The following LRRK2 variants were observed in gnomAD, a reference collection of about 807,000 sequenced individuals.
LRRK2 encodes leucine rich repeat kinase 2, also known as leucine-rich repeat serine/threonine-protein kinase 2.
Under a neutral mutation model 302.6 loss-of-function variants are expected in LRRK2, and 203 were observed. The ratio of observed to expected loss-of-function variants is 0.67; its 90% CI spans 0.60 to 0.75. LRRK2 has a LOEUF of 0.75. LRRK2 is among the 30% of genes least tolerant of loss of function. LRRK2 has a pLI of 0.00. For missense variants in LRRK2, 2,830 were observed against 2,951.0 expected (o/e 0.96, Z 0.95); for synonymous variants, 1,066 against 1,031.9 (o/e 1.03, Z -0.63).
intron 38 of LRRK2, among the ~76,000 whole-genome samples, chr12:40,325,949 T>G (rs1945534439): frequency 6.6e-6 from 1 of 152,240 alleles, no homozygotes; most frequent in Non-Finnish European, 1.5e-5. Context: ...TGTGGAGCTA[T>G]TTATTTTTCT....
rs779417337 is a variant in LRRK2 at position 40,257,306 on chromosome 12, G to A, written c.1347G>A (p.Met449Ile). Residue 449 changes from methionine (M) to isoleucine (I), a missense_variant, in exon 12 of 51, where the codon ATG (methionine) becomes ATA (isoleucine). Met to Ile is a conservative substitution (Grantham distance 10). Around this residue, in one of 3 missense-constraint regions of LRRK2, gnomAD observed 2,121 missense variants for 2,148.0 expected, o/e 0.99. Transcript: ENST00000298910. ...KGIHLNVLEL[M>I]QKHIHSPEVA... Reference sequence around the variant, plus strand: ...TACACCTGAATGTTTTGGAGTTAATGCAGAAGCATATACATTCTCCTGAAG... The same window carrying A: ...TACACCTGAATGTTTTGGAGTTAATACAGAAGCATATACATTCTCCTGAAG... The A allele has an allele frequency of 6.2e-7, 1 of 1,606,510 alleles. No homozygotes were observed. Among genetic ancestry groups the A allele is most frequent in the Non-Finnish European group, 8.5e-7 (1 of 1,173,394 alleles).
Position 40,367,722 on chromosome 12 carries a change from G to A in LRRK2, c.7541G>A (p.Arg2514Lys). The change falls in exon 51 of 51, where the codon AGA (arginine) becomes AAA (lysine). Residue 2514 changes from arginine (R) to lysine (K), a missense_variant. Around this residue, in one of 3 missense-constraint regions of LRRK2, gnomAD observed 456 missense variants for 456.3 expected, o/e 1.00. Transcript: ENST00000298910. ...VQNLEKHIEV[R>K]KELAEKMRRT... ...AATTTAGAAAAACACATTGAAGTGA[G>A]AAAAGAATTAGCTGAAAAAATGAGA... 1.2e-6 allele frequency: 2 copies of A among 1,604,566 alleles called. No individual in the cohort carries two copies. Among genetic ancestry groups the A allele is most frequent in the Non-Finnish European group, 1.7e-6 (2 of 1,174,444 alleles).
At position 40,225,382 on chromosome 12, in the gene LRRK2, C is replaced by A. The variant is rs80220210; in HGVS notation, c.151+100C>A. ...CTCCTCCCCTTGACCCTGCTCAAAC[C>A]CGGACTCTTAAGGAGCCGCAAACTC... On this transcript the variant is annotated intron_variant, in intron 1 of 50. Transcript: ENST00000298910. 1.8e-3 allele frequency: 2,650 copies of A among 1,457,032 alleles called. 41 individuals carry two copies. The East Asian group carries it at 0.04, about 22-fold the overall frequency. 90.3% of individuals were successfully genotyped at this position (1,457,032 alleles called of 1,614,324 possible). A position where few individuals can be genotyped will look rare whatever the true frequency, so the allele number is the denominator to read the frequency against.
chr12:40,301,671 A>G (rs757310221), intron 25 of LRRK2, among the ~76,000 whole-genome samples: 1 of 152,126 alleles, frequency 6.6e-6, no homozygotes, highest in Non-Finnish European at 1.5e-5. Context: ...AATAACCCAT[A>G]TTTTTAACCT....
At position 40,314,061 on chromosome 12, in the gene LRRK2, A is replaced by C. The variant is rs781385684; in HGVS notation, c.4626A>C (p.Pro1542=). ...KIILSERKNV[P]IEFPVIDRKR... ...TTTTATCGGAGCGTAAAAATGTGCCAATTGAATTTCCCGTAATTGACCGGA... is the reference window on the plus strand; with the variant it reads ...TTTTATCGGAGCGTAAAAATGTGCCCATTGAATTTCCCGTAATTGACCGGA... Residue 1542 remains proline (P), a synonymous_variant, in exon 32 of 51, where the codon CCA becomes CCC. Coordinates refer to ENST00000298910, the MANE Select transcript of LRRK2 (RefSeq NM_198578.4). 2 of 1,612,688 alleles carry C rather than the reference A, an allele frequency of 1.2e-6. No homozygotes were observed. The highest frequency in any genetic ancestry group is 2.2e-5 in the East Asian group (1 of 44,832).
At chr12:40,296,598 C>T (rs1944393699) in intron 23 of LRRK2, among the ~76,000 whole-genome samples, 2 of 151,814 alleles carry the variant, frequency 1.3e-5, no homozygotes, top group Admixed American at 1.3e-4. Context: ...CACCACTGTA[C>T]TCTAGCCTGG....
At chr12:40,299,901 C>A (rs895458900) in intron 25 of LRRK2, among the ~76,000 whole-genome samples, 11 of 152,020 alleles carry the variant, frequency 7.2e-5, no homozygotes, top group African/African-American at 2.2e-4. Context: ...TCCTGTGTAT[C>A]TAAAGCTGCC....
rs5797667 is a variant in LRRK2 at position 40,319,784 on chromosome 12, CA to C, written c.4828-202del. Among the ~76,000 whole-genome samples the C allele has an allele frequency of 0.57, 85,496 of 150,830 alleles. 24,276 individuals are homozygous for C. Among genetic ancestry groups the C allele is most frequent in the South Asian group, 0.7 (3,340 of 4,800 alleles). On this transcript the variant is annotated intron_variant, in intron 33 of 50. Coordinates refer to ENST00000298910, the MANE Select transcript of LRRK2 (RefSeq NM_198578.4). The stretch of plus-strand genomic sequence containing the variant: ...ATCCGAATTAACTCCCTTAATTTAA[CA>C]ATTTTTTTTTTTTTTTTGAGAGTGA...
At chr12:40,239,067 G>C (rs1185860348) in intron 5 of LRRK2, among the ~76,000 whole-genome samples, 2 of 152,156 alleles carry the variant, frequency 1.3e-5, no homozygotes, top group East Asian at 3.8e-4. Context: ...AAATATCAGT[G>C]GTTACAAAGT....
chr12:40,238,974 T>C (rs1013087467), intron 5 of LRRK2, among the ~76,000 whole-genome samples: 1 of 152,218 alleles, frequency 6.6e-6, no homozygotes, highest in Admixed American at 6.5e-5. Flanking sequence ...TTAAGTTTAC[T>C]GTGTTTCTAA....
chr12:40,335,986 T>C (rs1006861641), intron 40 of LRRK2, among the ~76,000 whole-genome samples: 7 of 152,232 alleles, frequency 4.6e-5, no homozygotes, highest in African/African-American at 1.7e-4. Context: ...AACGTCTAAA[T>C]CTGAGCCAGT....
At chr12:40,324,172 C>T (rs189818889) in intron 38 of LRRK2, among the ~76,000 whole-genome samples, 212 of 151,900 alleles carry the variant, frequency 1.4e-3, no homozygotes, top group Admixed American at 4.8e-3. Context: ...ACAAGACCTG[C>T]GATGCTGTGA....
intron 38 of LRRK2, among the ~76,000 whole-genome samples, chr12:40,323,907 G>A (rs1157982806): frequency 6.6e-6 from 1 of 151,404 alleles, no homozygotes; most frequent in Non-Finnish European, 1.5e-5. Flanking sequence ...CATGTAGCAT[G>A]TTTAGGTGCT....
intron 23 of LRRK2, 147 bp from the exon 24 acceptor site, chr12:40,298,096 T>C (rs1190084857): frequency 1.3e-6 from 1 of 740,936 alleles, no homozygotes. Flanking sequence ...CCAATTAGTA[T>C]ACTGAAATTC....
At chr12:40,308,965 T>A (rs1944933966) in intron 29 of LRRK2, 141 bp from the exon 30 acceptor site, 2 of 1,033,728 alleles carry the variant, frequency 1.9e-6, no homozygotes, top group Admixed American at 5.1e-5. Context: ...CCCAGAATAG[T>A]TCTCTAAACA....
chr12:40,322,471 A>G lies in LRRK2; in HGVS notation c.5470A>G (p.Lys1824Glu). 6.2e-7 allele frequency: 1 copy of G among 1,613,356 alleles called. No individual in the cohort carries two copies. Among genetic ancestry groups the G allele is most frequent in the Non-Finnish European group, 8.5e-7 (1 of 1,179,398 alleles). ...YSFNDGEEHQ[K>E]ILLDDLMKKA... is the part of the protein sequence containing the mutation. ...TTTTAATGATGGTGAAGAACATCAAAAAATCTTACTTGATGACTTGATGAA... is the reference window on the plus strand; with the variant it reads ...TTTTAATGATGGTGAAGAACATCAAGAAATCTTACTTGATGACTTGATGAA... Residue 1824 changes from lysine (K) to glutamate (E), a missense_variant, in exon 37 of 51, where the codon AAA becomes GAA. Transcript: ENST00000298910.
intron 39 of LRRK2, among the ~76,000 whole-genome samples, chr12:40,330,664 T>A (rs959938330): frequency 6.6e-6 from 1 of 152,164 alleles, no homozygotes; most frequent in South Asian, 2.1e-4. Context: ...ACATATGATA[T>A]ATATATAGTA....
intron 29 of LRRK2, 107 bp downstream of exon 29, chr12:40,308,803 T>A: frequency 9.3e-7 from 1 of 1,079,378 alleles, no homozygotes; most frequent in Non-Finnish European, 1.4e-6. Flanking sequence ...GTAGACTGTA[T>A]GGAATTATTC....
intron 19 of LRRK2, 39 bp downstream of exon 19, chr12:40,284,172 T>G: frequency 6.5e-7 from 1 of 1,548,352 alleles, no homozygotes. Flanking sequence ...ATTCTTATTT[T>G]TAATAGTATT....
Sources: allele counts gnomAD v4.1 joint callset (sites outside exome capture counted in the v4.1 genomes callset), GRCh38; gene constraint gnomAD v4.1.1; regional missense constraint gnomAD v4.1.1; transcripts MANE v1.5; gene names NCBI Gene and HGNC (gene_info 2026-07-23, HGNC 2026-07-21).